The following PRKN variants were observed in gnomAD, a reference collection of about 807,000 sequenced individuals.
PRKN encodes the protein E3 ubiquitin-protein ligase parkin.
PRKN carries 56 observed loss-of-function variants against 59.5 expected under a neutral mutation model. That is an observed-to-expected ratio of 0.94 (90% CI 0.76 to 1.18). The LOEUF (loss-of-function observed/expected upper bound fraction) is 1.18, where lower values mean the gene tolerates loss of function less well. Ranked by LOEUF, PRKN falls within the 50% of genes most tolerant of loss-of-function variation. PRKN has a pLI of 0.00. For synonymous variants in PRKN, 250 were observed against 222.1 expected, an observed-to-expected ratio of 1.13 and a Z score of -1.12; for missense variants, 657 against 596.4, an observed-to-expected ratio of 1.10 and a Z score of -1.06.
Position 161,518,872 on chromosome 6 carries a change from CCT to C in PRKN, c.1083+29980_1083+29981del, listed in dbSNP as rs369588167. Among the ~76,000 whole-genome samples the C allele has an allele frequency of 1.1e-3, 174 of 152,256 alleles. No homozygotes were observed. The highest frequency in any genetic ancestry group is 4.0e-3 in the African/African-American group (166 of 41,554). On this transcript the variant is annotated intron_variant, in intron 9 of 11. Transcript: ENST00000366898. The surrounding 1 kb of genome is among the most constrained non-coding windows in gnomAD (Gnocchi z 5.0). ...AAGCAGCTCTCACTCAGAGAGCAGC[CCT>C]CCACACCAATGTCAGGGAGAGGAAG...
intron 2 of PRKN, among the ~76,000 whole-genome samples, chr6:162,345,074 C>G (rs1046708062): frequency 2.0e-5 from 3 of 152,192 alleles, no homozygotes; most frequent in Non-Finnish European, 2.9e-5. Flanking sequence ...CTCTTACTCC[C>G]CTGAGTTCAT....
At chr6:162,628,644 T>G (rs1782989411) in intron 1 of PRKN, among the ~76,000 whole-genome samples, 2 of 152,106 alleles carry the variant, frequency 1.3e-5, no homozygotes, top group South Asian at 4.1e-4. Context: ...AGAAAGTGAT[T>G]CTTGGCAGAT....
chr6:162,210,225 G>A (rs1785148883), intron 3 of PRKN, among the ~76,000 whole-genome samples: 2 of 152,078 alleles, frequency 1.3e-5, no homozygotes, highest in Non-Finnish European at 2.9e-5. Context: ...CTCAATGCCT[G>A]TTCTCTCATC....
At chr6:162,326,505 G>C (rs746188542) in intron 2 of PRKN, among the ~76,000 whole-genome samples, 1 of 152,120 alleles carries the variant, frequency 6.6e-6, no homozygotes, top group Non-Finnish European at 1.5e-5. Flanking sequence ...GAGAGCTTTT[G>C]AGAATTGCTT....
intron 6 of PRKN, among the ~76,000 whole-genome samples, chr6:161,871,507 T>G (rs955901125): frequency 2.6e-5 from 4 of 152,106 alleles, no homozygotes; most frequent in African/African-American, 9.7e-5. Context: ...GCACTCTACT[T>G]TAAAAAGTAT....
chr6:161,349,214 A>G lies in PRKN; in HGVS notation c.*885T>C. On this transcript the variant is annotated 3_prime_UTR_variant, in exon 12 of 12. Transcript: ENST00000366898. The surrounding 1 kb of genome is among the most constrained non-coding windows in gnomAD (Gnocchi z 5.5). ...TGTTTCCTTTATAGGCACTTTATCT[A>G]TTAAATTTACAGTGGAGCCAAATGT... 4.5e-6 allele frequency: 1 copy of G among 221,022 alleles called. No individual in the cohort carries two copies. Among genetic ancestry groups the G allele is most frequent in the Non-Finnish European group, 9.0e-6 (1 of 110,536 alleles). The allele number at this position is 221,022 out of a possible 1,614,324, so 13.7% of individuals were successfully genotyped here. A position where few individuals can be genotyped will look rare whatever the true frequency, so the allele number is the denominator to read the frequency against.
At chr6:161,910,447 G>A (rs1005519440) in intron 6 of PRKN, among the ~76,000 whole-genome samples, 1 of 152,010 alleles carries the variant, frequency 6.6e-6, no homozygotes, top group Non-Finnish European at 1.5e-5. Context: ...TAGAGACGGG[G>A]TTTCACTGTG....
intron 2 of PRKN, among the ~76,000 whole-genome samples, chr6:162,290,747 T>C (rs1781394849): frequency 6.6e-6 from 1 of 152,218 alleles, no homozygotes; most frequent in Non-Finnish European, 1.5e-5. Flanking sequence ...CTTGAACTTT[T>C]CCAGTTCTGC....
chr6:162,528,189 G>C (rs1209035773), intron 1 of PRKN, among the ~76,000 whole-genome samples: 1 of 151,996 alleles, frequency 6.6e-6, no homozygotes, highest in African/African-American at 2.4e-5. Flanking sequence ...AGGCGTGGTG[G>C]TGGGTGCCTG....
At chr6:161,885,589 C>T (rs1208328471) in intron 6 of PRKN, among the ~76,000 whole-genome samples, 6 of 150,476 alleles carry the variant, frequency 4.0e-5, no homozygotes, top group East Asian at 2.0e-4. Flanking sequence ...GGCGTGAACC[C>T]GGGAGGCGGA....
chr6:161,717,329 C>G (rs1171186580), intron 7 of PRKN, among the ~76,000 whole-genome samples: 1 of 152,166 alleles, frequency 6.6e-6, no homozygotes, highest in Non-Finnish European at 1.5e-5. Flanking sequence ...AGGTCCCACC[C>G]ACCTCCCAAC....
At chr6:162,539,169 G>C (rs881829) in intron 1 of PRKN, among the ~76,000 whole-genome samples, 66,925 of 151,902 alleles carry the variant, frequency 0.44, 17,016 homozygotes, top group Non-Finnish European at 0.58. Context: ...TATATTGAGT[G>C]TTTCTCCATG....
chr6:161,502,246 C>T lies in PRKN; in HGVS notation c.1083+46608G>A, dbSNP rs1312255067. Among the ~76,000 whole-genome samples the T allele has an allele frequency of 2.0e-5, 3 of 152,170 alleles. No individual in the cohort carries two copies. The highest frequency in any genetic ancestry group is 6.5e-5 in the Admixed American group (1 of 15,282). On this transcript the variant is annotated intron_variant, in intron 9 of 11. Coordinates refer to ENST00000366898, the MANE Select transcript of PRKN (RefSeq NM_004562.3). The surrounding 1 kb of genome is among the most constrained non-coding windows in gnomAD (Gnocchi z 4.0). ...GCACTCTTTGGGAGAGGCACTACTC[C>T]TATCCCTATGTTATAGCTGAGGACG...
intron 6 of PRKN, among the ~76,000 whole-genome samples, chr6:161,787,255 A>C (rs1790456939): frequency 6.6e-6 from 1 of 152,236 alleles, no homozygotes; most frequent in Non-Finnish European, 1.5e-5. Flanking sequence ...AGCAATATGT[A>C]ATACAAACAA....
intron 6 of PRKN, among the ~76,000 whole-genome samples, chr6:161,810,588 A>G (rs1414950756): frequency 2.0e-5 from 3 of 152,222 alleles, no homozygotes. Flanking sequence ...TTGGTTGGGA[A>G]GCTGACATTC....
chr6:161,908,202 T>C (rs764719306), intron 6 of PRKN, among the ~76,000 whole-genome samples: 8 of 152,122 alleles, frequency 5.3e-5, no homozygotes, highest in Non-Finnish European at 5.9e-5. Context: ...TCAATTTAGC[T>C]CGGAACCGTC....
chr6:161,968,028 T>G (rs1381170291), intron 6 of PRKN, among the ~76,000 whole-genome samples: 1 of 151,952 alleles, frequency 6.6e-6, no homozygotes, highest in Non-Finnish European at 1.5e-5. Flanking sequence ...GTGGGGCCTT[T>G]TTTTTCTTTT....
intron 6 of PRKN, among the ~76,000 whole-genome samples, chr6:161,863,745 T>C (rs1231867735): frequency 6.6e-6 from 1 of 152,112 alleles, no homozygotes; most frequent in Non-Finnish European, 1.5e-5. Context: ...TTTTAACACT[T>C]TAAGGTATAT....
At chr6:162,704,011 A>C (rs1056331321) in intron 1 of PRKN, among the ~76,000 whole-genome samples, 6 of 152,296 alleles carry the variant, frequency 3.9e-5, no homozygotes, top group African/African-American at 1.2e-4. Flanking sequence ...TTTGTAATTA[A>C]GCGCCTTAGC....
Sources: gnomAD v4.1 joint callset for allele counts (sites outside exome capture counted in the v4.1 genomes callset) on GRCh38, gnomAD v4.1.1 for gene constraint, Gnocchi (gnomAD v3.1) non-coding constraint, MANE v1.5 for transcripts, NCBI Gene and HGNC (gene_info 2026-07-23, HGNC 2026-07-21) for gene names.